The following HTT variants were observed in gnomAD, a reference collection of about 807,000 sequenced individuals.
The protein encoded by HTT is huntingtin.
Under a neutral mutation model 362.3 loss-of-function variants are expected in HTT, and 104 were observed. The observed-to-expected ratio is 0.29, with a 90% confidence interval of 0.24 to 0.34. The LOEUF (loss-of-function observed/expected upper bound fraction) is 0.34, where lower values mean the gene tolerates loss of function less well. Among genes scored for constraint, HTT ranks in the 10% least tolerant of loss-of-function variants. The probability of loss-of-function intolerance (pLI) is 1.00; values close to 1 mark genes in which losing one functional copy is unlikely to be tolerated. For synonymous variants in HTT, 1,577 were observed against 1,548.7 expected, an observed-to-expected ratio of 1.02 and a Z score of -0.43; for missense variants, 3,301 against 3,928.6, an observed-to-expected ratio of 0.84 and a Z score of 4.27.
At chr4:3,188,706 T>C in intron 39 of HTT, 1 of 423,078 alleles carries the variant, frequency 2.4e-6, no homozygotes, top group Non-Finnish European at 4.3e-6. Context: ...ATTTGTGTAA[T>C]GGTGTACAGT....
At chr4:3,129,389 G>C (rs1195471423) in intron 12 of HTT, 1 of 152,852 alleles carries the variant, frequency 6.5e-6, no homozygotes, top group Non-Finnish European at 1.5e-5. Flanking sequence ...GTAATAATTT[G>C]CTGGTAGTCC....
At chr4:3,157,260 T>C in intron 28 of HTT, 61 bp downstream of exon 28, 1 of 1,460,444 alleles carries the variant, frequency 6.8e-7, no homozygotes. Flanking sequence ...TAATGGATAG[T>C]TGATGTTTTT....
chr4:3,237,402 C>T (rs1721590087), intron 64 of HTT, among the ~76,000 whole-genome samples: 1 of 152,224 alleles, frequency 6.6e-6, no homozygotes, highest in African/African-American at 2.4e-5. Context: ...TGCACCTCTG[C>T]ATCGTTCTTC....
Position 3,131,664 on chromosome 4 carries a change from G to A in HTT, c.2125G>A (p.Val709Ile). 1 of 1,613,944 alleles carries A rather than the reference G, an allele frequency of 6.2e-7. No individual in the cohort carries two copies. Among genetic ancestry groups the A allele is most frequent in the African/African-American group, 1.3e-5 (1 of 75,030 alleles). ...NVLVPDRDVR[V>I]SVKALALSCV... is the part of the protein sequence containing the mutation. ...GCTGGTTCCGGACAGGGATGTGAGG[G>A]TCAGCGTGAAGGCCCTGGCCCTCAG... Residue 709 changes from valine to isoleucine, a missense_variant, in exon 16 of 67, where the codon GTC becomes ATC. This residue lies in a region of HTT where 2,316 missense variants were observed against 2,658.5 expected (regional missense o/e 0.87). Transcript: ENST00000355072.
intron 6 of HTT, chr4:3,112,985 C>G: frequency 1.1e-6 from 1 of 941,186 alleles, no homozygotes; most frequent in Non-Finnish European, 1.3e-6. Context: ...ATTTCCATTC[C>G]TTAAAGTACC....
intron 29 of HTT, among the ~76,000 whole-genome samples, chr4:3,172,069 C>G (rs1397673267): frequency 6.6e-6 from 1 of 152,126 alleles, no homozygotes; most frequent in Non-Finnish European, 1.5e-5. Flanking sequence ...TACTTGATAA[C>G]AGTTTATTGA....
intron 9 of HTT, among the ~76,000 whole-genome samples, chr4:3,121,873 AAAAAT>A (rs957085802): frequency 5.3e-5 from 8 of 152,188 alleles, no homozygotes; most frequent in African/African-American, 1.7e-4. Context: ...AAATAAATTT[AAAAAT>A]AAAATAAGAG....
Position 3,228,498 on chromosome 4 carries a change from T to C in HTT, c.7849-117T>C. ...TAACCTGGGGTGTCTGAACGACCCT[T>C]GCTAAGGGGCAGACTGTTAGACGGT... On this transcript the variant is annotated intron_variant, in intron 57 of 66. Coordinates refer to ENST00000355072, the MANE Select transcript of HTT (RefSeq NM_001388492.1). This position sits in a 1 kb window ranked among gnomAD's most constrained non-coding sequence, Gnocchi z 4.3. The C allele has an allele frequency of 8.1e-7, 1 of 1,236,332 alleles. No individual in the cohort carries two copies. The highest frequency in any genetic ancestry group is 1.1e-6 in the Non-Finnish European group (1 of 910,960). 76.6% of individuals were successfully genotyped at this position (1,236,332 alleles called of 1,614,324 possible). A position where few individuals can be genotyped will look rare whatever the true frequency, so the allele number is the denominator to read the frequency against.
At chr4:3,164,097 A>G (rs1717584290) in intron 29 of HTT, among the ~76,000 whole-genome samples, 1 of 152,146 alleles carries the variant, frequency 6.6e-6, no homozygotes, top group Non-Finnish European at 1.5e-5. Flanking sequence ...ACTGCTTTAA[A>G]TGTGTCCCAG....
intron 37 of HTT, among the ~76,000 whole-genome samples, chr4:3,184,801 A>G (rs557115678): frequency 6.6e-6 from 1 of 152,286 alleles, no homozygotes; most frequent in African/African-American, 2.4e-5. Context: ...GTCCACTCAC[A>G]GTGGACCCAG....
intron 22 of HTT, among the ~76,000 whole-genome samples, chr4:3,141,335 CTT>C (rs1455101475): frequency 6.6e-6 from 1 of 152,176 alleles, no homozygotes; most frequent in African/African-American, 2.4e-5. Flanking sequence ...TTTTACAAAA[CTT>C]GGACTAAATG....
At chr4:3,114,806 T>C (rs909700704) in intron 6 of HTT, among the ~76,000 whole-genome samples, 1 of 152,230 alleles carries the variant, frequency 6.6e-6, no homozygotes, top group African/African-American at 2.4e-5. Flanking sequence ...CCTAATTTCT[T>C]AGGAGAACAG....
At chr4:3,141,622 C>T (rs377224518) in intron 22 of HTT, among the ~76,000 whole-genome samples, 4 of 152,100 alleles carry the variant, frequency 2.6e-5, no homozygotes, top group South Asian at 2.1e-4. Context: ...ATTAGCCAGG[C>T]GTGGTGGCGG....
chr4:3,163,594 T>G (rs1351826221), intron 29 of HTT, among the ~76,000 whole-genome samples: 1 of 152,232 alleles, frequency 6.6e-6, no homozygotes, highest in Non-Finnish European at 1.5e-5. Context: ...TGCCTCAAGT[T>G]TAGAACCTGT....
chr4:3,140,117 CG>C (rs1313095323), intron 21 of HTT, among the ~76,000 whole-genome samples: 2 of 151,948 alleles, frequency 1.3e-5, no homozygotes, highest in Non-Finnish European at 2.9e-5. Flanking sequence ...AAAAATTAGC[CG>C]GGCGCGGTGG....
intron 21 of HTT, 107 bp from the exon 22 acceptor site, chr4:3,140,403 G>A (rs953379520): frequency 1.2e-5 from 11 of 882,970 alleles, no homozygotes; most frequent in African/African-American, 3.3e-5. Context: ...AGTGGTGTCC[G>A]CTGGTAACCA....
chr4:3,222,497 C>T lies in HTT; in HGVS notation c.7470+10C>T, dbSNP rs1277953555. ...GGAGAGCCCACCAGAAGTAAGGCCACACCCTGTGCTGGTTGGCACATGGGC... is the reference window on the plus strand; with the variant it reads ...GGAGAGCCCACCAGAAGTAAGGCCATACCCTGTGCTGGTTGGCACATGGGC... On this transcript the variant is annotated intron_variant, in intron 54 of 66. Transcript: ENST00000355072. The T allele has an allele frequency of 1.2e-5, 19 of 1,608,084 alleles. No individual in the cohort carries two copies. Among genetic ancestry groups the T allele is most frequent in the African/African-American group, 2.7e-5 (2 of 74,836 alleles).
At chr4:3,099,669 G>T (rs2110155745) in intron 3 of HTT, among the ~76,000 whole-genome samples, 1 of 149,554 alleles carries the variant, frequency 6.7e-6, no homozygotes, top group South Asian at 2.1e-4. Flanking sequence ...GTTTGGAGGT[G>T]CTCTGTTGTA....
chr4:3,136,512 AAAC>A (rs1411922602), intron 21 of HTT, among the ~76,000 whole-genome samples, 186 bp downstream of exon 21: 1 of 152,210 alleles, frequency 6.6e-6, no homozygotes, highest in African/African-American at 2.4e-5. Context: ...ATAATTAAAA[AAAC>A]AACAAAATAC....
Sources: gnomAD v4.1 joint callset for allele counts (sites outside exome capture counted in the v4.1 genomes callset) on GRCh38, gnomAD v4.1.1 for gene constraint, gnomAD v4.1.1 regional missense constraint, Gnocchi (gnomAD v3.1) non-coding constraint, MANE v1.5 for transcripts, NCBI Gene and HGNC (gene_info 2026-07-23, HGNC 2026-07-21) for gene names.